TMOD3: variants seen among roughly 807,000 people sequenced by gnomAD.
TMOD3 encodes tropomodulin-3.
TMOD3 carries 20 observed loss-of-function variants against 39.2 expected under a neutral mutation model. That is an observed-to-expected ratio of 0.51 (90% CI 0.36 to 0.74). The LOEUF (loss-of-function observed/expected upper bound fraction) is 0.74, where lower values mean the gene tolerates loss of function less well. Ranked by LOEUF, TMOD3 falls within the 30% of genes least tolerant of loss-of-function variation. The probability of loss-of-function intolerance (pLI) is 0.00; values close to 1 mark genes in which losing one functional copy is unlikely to be tolerated. For missense variants in TMOD3, 381 were observed against 412.8 expected (o/e 0.92, Z 0.67); for synonymous variants, 143 against 145.8 (o/e 0.98, Z 0.14).
chr15:51,873,939 A>G (rs779818010), intron 3 of TMOD3, among the ~76,000 whole-genome samples: 1 of 152,138 alleles, frequency 6.6e-6, no homozygotes, highest in Non-Finnish European at 1.5e-5. Flanking sequence ...AATTTTTTCA[A>G]AAGCAAAAAC....
In TMOD3 at chr15:51,900,139, T is replaced by G; in HGVS notation, c.736-16T>G. On this transcript the variant is annotated splice_polypyrimidine_tract_variant and intron_variant, in intron 7 of 9. Coordinates refer to ENST00000308580, the MANE Select transcript of TMOD3 (RefSeq NM_014547.5). Reference sequence around the variant, plus strand: ...GTATCAAATTTTAATCTCTTAATATTTTCTCTAATTTCTAGGCTTTTGCAG... The same window carrying G: ...GTATCAAATTTTAATCTCTTAATATGTTCTCTAATTTCTAGGCTTTTGCAG... The G allele has an allele frequency of 1.2e-6, 2 of 1,612,852 alleles. No individual in the cohort carries two copies. Among genetic ancestry groups the G allele is most frequent in the South Asian group, 1.1e-5 (1 of 90,924 alleles).
chr15:51,859,674 G>A (rs2056406619), intron 1 of TMOD3: 4 of 488,590 alleles, frequency 8.2e-6, no homozygotes, highest in South Asian at 6.9e-5. Flanking sequence ...AGACAAACCT[G>A]GAGTTTCAGG....
At chr15:51,857,855 T>C (rs1243558664) in intron 1 of TMOD3, among the ~76,000 whole-genome samples, 1 of 152,158 alleles carries the variant, frequency 6.6e-6, no homozygotes, top group African/African-American at 2.4e-5. Context: ...TATCACATCA[T>C]TGATATTTTT....
At chr15:51,860,002 C>G (rs1249708788) in intron 1 of TMOD3, 3 of 542,800 alleles carry the variant, frequency 5.5e-6, no homozygotes, top group Non-Finnish European at 1.1e-5. Context: ...TATAACACTT[C>G]CACATGGCCT....
intron 1 of TMOD3, among the ~76,000 whole-genome samples, chr15:51,834,268 C>A (rs1294507411): frequency 6.6e-6 from 1 of 151,966 alleles, no homozygotes; most frequent in Non-Finnish European, 1.5e-5. Context: ...TTGTGATGAG[C>A]AGAAATTTTT....
Position 51,909,632 on chromosome 15 carries a change from T to A in TMOD3, c.*822T>A, listed in dbSNP as rs1266259491. On this transcript the variant is annotated 3_prime_UTR_variant, in exon 10 of 10. Coordinates refer to ENST00000308580, the MANE Select transcript of TMOD3 (RefSeq NM_014547.5). ...AAAAAGGCGTACAGCCAACTCTTAG[T>A]TATTTAGGGTAAGAGAAAAAAGAAA... The A allele has an allele frequency of 2.0e-5, 3 of 151,990 alleles. No individual in the cohort carries two copies. The highest frequency in any genetic ancestry group is 4.4e-5 in the Non-Finnish European group (3 of 67,926). 9.4% of individuals were successfully genotyped at this position (151,990 alleles called of 1,614,324 possible). A position where few individuals can be genotyped will look rare whatever the true frequency, so the allele number is the denominator to read the frequency against.
rs2056707020 is a variant in TMOD3 at position 51,910,784 on chromosome 15, GTTTT to G, written c.*1975_*1978del. 6.7e-6 allele frequency: 1 copy of G among 148,308 alleles called. No homozygotes were observed. Among genetic ancestry groups the G allele is most frequent in the Admixed American group, 6.7e-5 (1 of 14,896 alleles). 9.2% of individuals were successfully genotyped at this position (148,308 alleles called of 1,614,324 possible). On this transcript the variant is annotated 3_prime_UTR_variant, in exon 10 of 10. Transcript: ENST00000308580. ...TGGTTTGTTTTGGTTTTTTGGTTTT[GTTTT>G]GTTTTGTTTTTTAAATCAGTATCCA...
At chr15:51,882,547 G>T (rs554312782) in intron 3 of TMOD3, among the ~76,000 whole-genome samples, 1 of 152,294 alleles carries the variant, frequency 6.6e-6, no homozygotes, top group East Asian at 1.9e-4. Flanking sequence ...TTGTGCAGTT[G>T]TCGTAGTACC....
At chr15:51,844,210 G>A (rs1268085530) in intron 1 of TMOD3, among the ~76,000 whole-genome samples, 1 of 152,144 alleles carries the variant, frequency 6.6e-6, no homozygotes, top group Non-Finnish European at 1.5e-5. Flanking sequence ...TCTGGTTCTT[G>A]TGGATCCTTC....
At chr15:51,832,203 T>TTATATATATTTATATATA (rs2056259083) in intron 1 of TMOD3, among the ~76,000 whole-genome samples, 1 of 79,350 alleles carries the variant, frequency 1.3e-5, no homozygotes, top group South Asian at 4.0e-4. Context: ...AGAAAAAAAA[T>TTATATATATTTATATATA]TATATATATA....
chr15:51,835,165 T>A (rs1336863009), intron 1 of TMOD3: 1 of 152,228 alleles, frequency 6.6e-6, no homozygotes, highest in African/African-American at 2.4e-5. Context: ...ATGTTTAGAA[T>A]GAAGGAGATG....
At chr15:51,843,618 C>G (rs926378530) in intron 1 of TMOD3, among the ~76,000 whole-genome samples, 2 of 152,100 alleles carry the variant, frequency 1.3e-5, no homozygotes, top group Non-Finnish European at 2.9e-5. Context: ...TTATGAGGTT[C>G]CAGAAGTTTC....
chr15:51,830,940 G>T (rs1482219382), intron 1 of TMOD3, among the ~76,000 whole-genome samples: 1 of 152,040 alleles, frequency 6.6e-6, no homozygotes, highest in African/African-American at 2.4e-5. Context: ...GGAACAAAAC[G>T]AATTAAAATG....
chr15:51,908,218 A>G (rs1351774371), intron 9 of TMOD3, among the ~76,000 whole-genome samples: 5 of 152,240 alleles, frequency 3.3e-5, no homozygotes, highest in African/African-American at 1.2e-4. Context: ...ATGTCACTTC[A>G]AAATTTAACA....
At chr15:51,894,048 G>A (rs1305487202) in intron 6 of TMOD3, 103 bp downstream of exon 6, 5 of 1,132,146 alleles carry the variant, frequency 4.4e-6, no homozygotes, top group Admixed American at 5.7e-5. Context: ...CTACTTTAAC[G>A]TAAAGTTTTT....
chr15:51,843,345 A>G (rs1018646780), intron 1 of TMOD3, among the ~76,000 whole-genome samples: 2 of 152,210 alleles, frequency 1.3e-5, no homozygotes, highest in African/African-American at 4.8e-5. Flanking sequence ...ATCTAGCCTG[A>G]TTAAAGCAGA....
chr15:51,861,144 A>G, intron 1 of TMOD3: 1 of 504,922 alleles, frequency 2.0e-6, no homozygotes, highest in Middle Eastern at 4.0e-4. Flanking sequence ...GTCGTCCTTG[A>G]AAAGGGCTCT....
In TMOD3 at chr15:51,911,940, A is replaced by G. The variant is rs886141863; in HGVS notation, c.*3130A>G. On this transcript the variant is annotated 3_prime_UTR_variant, in exon 10 of 10. Transcript: ENST00000308580. ...TAGCAGATGGTTAGAGACTTCAAGGAGAGTTAGCTTGGTCATTTAATTGCG... is the reference window on the plus strand; with the variant it reads ...TAGCAGATGGTTAGAGACTTCAAGGGGAGTTAGCTTGGTCATTTAATTGCG... 6.6e-6 allele frequency: 1 copy of G among 152,184 alleles called. No individual in the cohort carries two copies. Among genetic ancestry groups the G allele is most frequent in the East Asian group, 1.9e-4 (1 of 5,198 alleles). 9.4% of individuals were successfully genotyped at this position (152,184 alleles called of 1,614,324 possible).
Position 51,915,637 on chromosome 15 carries a change from T to C in TMOD3, c.*6827T>C, listed in dbSNP as rs2056729386. On this transcript the variant is annotated 3_prime_UTR_variant, in exon 10 of 10. Transcript: ENST00000308580. ...TTCATAACAGCACAGTGAAGTTTCTTTTGAAGACTATGTACTGGAAGCATT... is the reference window on the plus strand; with the variant it reads ...TTCATAACAGCACAGTGAAGTTTCTCTTGAAGACTATGTACTGGAAGCATT... 6.6e-6 allele frequency: 1 copy of C among 152,232 alleles called. No homozygotes were observed. Among genetic ancestry groups the C allele is most frequent in the Non-Finnish European group, 1.5e-5 (1 of 68,042 alleles). The allele number at this position is 152,232 out of a possible 1,614,324, so 9.4% of individuals were successfully genotyped here. A position where few individuals can be genotyped will look rare whatever the true frequency, so the allele number is the denominator to read the frequency against.
Sources: gnomAD v4.1 joint callset for allele counts (sites outside exome capture counted in the v4.1 genomes callset) on GRCh38, gnomAD v4.1.1 for gene constraint, MANE v1.5 for transcripts, NCBI Gene and HGNC (gene_info 2026-07-23, HGNC 2026-07-21) for gene names.